The following CCNE2 variants were observed in gnomAD, a reference collection of about 807,000 sequenced individuals.
The protein encoded by CCNE2 is cyclin E2, also known as G1/S-specific cyclin-E2.
A neutral mutation model predicts 56.8 loss-of-function variants in CCNE2; 18 were observed. The observed-to-expected ratio is 0.32, with a 90% CI of 0.22 to 0.47. The LOEUF (loss-of-function observed/expected upper bound fraction) is 0.47. CCNE2 is among the 20% of genes least tolerant of loss of function. CCNE2 has a pLI of 1.00. For synonymous variants in CCNE2, 139 were observed against 149.2 expected, an observed-to-expected ratio of 0.93 and a Z score of 0.50; for missense variants, 371 against 467.1, an observed-to-expected ratio of 0.79 and a Z score of 1.90.
At chr8:94,884,950 C>G (rs1816979165) in intron 9 of CCNE2, 117 bp downstream of exon 9, 2 of 869,666 alleles carry the variant, frequency 2.3e-6, no homozygotes, top group South Asian at 3.9e-5. Flanking sequence ...AAGTTTTGTT[C>G]TAGAATTAAG....
chr8:94,886,205 C>G (rs565237393), intron 7 of CCNE2, among the ~76,000 whole-genome samples: 1 of 152,150 alleles, frequency 6.6e-6, no homozygotes, highest in South Asian at 2.1e-4. Context: ...GCTTCACTAA[C>G]TATAAATCTC....
At chr8:94,891,843 T>C in intron 5 of CCNE2, 1 of 1,531,556 alleles carries the variant, frequency 6.5e-7, no homozygotes, top group Non-Finnish European at 8.9e-7. Context: ...TGCTTAAAAA[T>C]GCAGAGAGTA....
intron 5 of CCNE2, chr8:94,891,487 C>T (rs75192149): frequency 5.5e-4 from 158 of 288,948 alleles, no homozygotes; most frequent in Non-Finnish European, 8.0e-4. Context: ...GGTGAAACCC[C>T]GTCTCCACTA....
intron 6 of CCNE2, 117 bp from the exon 7 acceptor site, chr8:94,888,190 G>C (rs1817103462): frequency 1.6e-6 from 1 of 618,408 alleles, no homozygotes; most frequent in Non-Finnish European, 2.7e-6. Context: ...GCAAAGCTAA[G>C]ATAGGAAAGG....
chr8:94,887,786 G>T, intron 7 of CCNE2, 141 bp downstream of exon 7: 1 of 507,988 alleles, frequency 2.0e-6, no homozygotes, highest in Non-Finnish European at 3.4e-6. Context: ...CTGTGGTAAT[G>T]TTCAGAAAAT....
chr8:94,883,201 G>A (rs190919938), intron 9 of CCNE2, among the ~76,000 whole-genome samples: 77 of 152,100 alleles, frequency 5.1e-4, no homozygotes, highest in African/African-American at 1.7e-3. Flanking sequence ...GCGTGAACCC[G>A]GGATGCAGAG....
rs1816876229 is a variant in CCNE2 at position 94,882,797 on chromosome 8, C to G, written c.927G>C (p.Val309=). The part of the protein sequence containing the change: ...AALCHFTSIE[V]VKKASGLEWD... ...GAGTCTTACCTGAGGCTTTCTTAAC[C>G]ACTTCAATGGAGGTAAAATGGCACA... The change falls in exon 10 of 12, where the codon GTG becomes GTC. Residue 309 remains valine, a synonymous_variant. Transcript: ENST00000308108. The G allele has an allele frequency of 1.2e-6, 2 of 1,612,640 alleles. No homozygotes were observed. Among genetic ancestry groups the G allele is most frequent in the African/African-American group, 2.7e-5 (2 of 74,864 alleles).
At chr8:94,890,587 ATATATTT>A in intron 5 of CCNE2, 37 bp from the exon 6 acceptor site, 1 of 562,038 alleles carries the variant, frequency 1.8e-6, no homozygotes, top group Non-Finnish European at 2.2e-6. Context: ...ATATATATAT[ATATATTT>A]TTTTTTTTTT....
chr8:94,884,922 C>A, intron 9 of CCNE2, 145 bp downstream of exon 9: 1 of 644,028 alleles, frequency 1.6e-6, no homozygotes, highest in South Asian at 2.4e-5. Flanking sequence ...ACACTGGGGA[C>A]AGAACTTTAT....
At chr8:94,889,662 T>TC (rs1268795677) in intron 6 of CCNE2, among the ~76,000 whole-genome samples, 4 of 152,236 alleles carry the variant, frequency 2.6e-5, no homozygotes, top group Non-Finnish European at 5.9e-5. Context: ...AAGTCTATGG[T>TC]CTTTTTCCCT....
chr8:94,884,007 A>G, intron 9 of CCNE2: 1 of 436,622 alleles, frequency 2.3e-6, no homozygotes, highest in South Asian at 1.6e-5. Context: ...TACCATCACT[A>G]TCAGAAGGGT....
rs895151945 is a variant in CCNE2 at position 94,894,433 on chromosome 8, T to A, written c.-26-186A>T. ...AATTCATTTTGGATACAAGCCTGCATTTCCTCAACTGAATGTACAGCTGGA... is the reference window on the plus strand; with the variant it reads ...AATTCATTTTGGATACAAGCCTGCAATTCCTCAACTGAATGTACAGCTGGA... On this transcript the variant is annotated intron_variant, in intron 1 of 11. Coordinates refer to ENST00000308108, the MANE Select transcript of CCNE2 (RefSeq NM_057749.3). 6 of 599,394 alleles carry A rather than the reference T, an allele frequency of 1.0e-5. No individual in the cohort carries two copies. In the South Asian group the frequency reaches 1.0e-4, roughly 10 times the overall value. The allele number at this position is 599,394 out of a possible 1,614,324, so 37.1% of individuals were successfully genotyped here.
chr8:94,891,738 TTAC>T (rs1178298895), intron 5 of CCNE2: 5 of 897,092 alleles, frequency 5.6e-6, no homozygotes, highest in African/African-American at 4.9e-5. Context: ...CATTCTGACA[TTAC>T]AATGGTGGAG....
intron 1 of CCNE2, chr8:94,894,461 G>C (rs577832532): frequency 1.2e-4 from 67 of 551,166 alleles, no homozygotes; most frequent in Non-Finnish European, 3.2e-5. Context: ...CAGCTGGAAC[G>C]CGAGTGTCCA....
At chr8:94,891,243 C>A in intron 5 of CCNE2, 1 of 183,852 alleles carries the variant, frequency 5.4e-6, no homozygotes, top group Non-Finnish European at 1.2e-5. Context: ...GTGAAAATAG[C>A]TGGCTATTCA....
intron 9 of CCNE2, among the ~76,000 whole-genome samples, chr8:94,883,230 C>G (rs1247096443): frequency 2.0e-5 from 3 of 151,196 alleles, no homozygotes; most frequent in Non-Finnish European, 4.4e-5. Flanking sequence ...GAGCAGAGAT[C>G]GCGCCACTGC....
intron 9 of CCNE2, 114 bp downstream of exon 9, chr8:94,884,953 G>C: frequency 1.1e-6 from 1 of 888,246 alleles, no homozygotes; most frequent in Non-Finnish European, 1.7e-6. Flanking sequence ...TTTTGTTCTA[G>C]AATTAAGGAG....
chr8:94,894,912 C>T (rs969721087), intron 1 of CCNE2, among the ~76,000 whole-genome samples: 24 of 152,194 alleles, frequency 1.6e-4, no homozygotes, highest in Admixed American at 6.5e-5. Context: ...ACCCGGCCTC[C>T]CATCCTCTCT....
chr8:94,880,282 TAAAC>T lies in CCNE2; in HGVS notation c.*1346_*1349del. On this transcript the variant is annotated 3_prime_UTR_variant, in exon 12 of 12. Transcript: ENST00000308108. Reference sequence around the variant, plus strand: ...TATTTTTTAAACAATGGGCTAAAAATAAACAGTATTAAAAGGTTAAGTTTATATA... The same window carrying T: ...TATTTTTTAAACAATGGGCTAAAAATAGTATTAAAAGGTTAAGTTTATATA... 1 of 963,094 alleles carries T rather than the reference TAAAC, an allele frequency of 1.0e-6. No individual in the cohort carries two copies. 59.7% of individuals were successfully genotyped at this position (963,094 alleles called of 1,614,324 possible). A position where few individuals can be genotyped will look rare whatever the true frequency, so the allele number is the denominator to read the frequency against.
Sources: gnomAD v4.1 joint callset for allele counts (sites outside exome capture counted in the v4.1 genomes callset) on GRCh38, gnomAD v4.1.1 for gene constraint, MANE v1.5 for transcripts, NCBI Gene and HGNC (gene_info 2026-07-23, HGNC 2026-07-21) for gene names.